FOXK2: variants seen among roughly 807,000 people sequenced by gnomAD.
FOXK2 encodes the protein forkhead box protein K2.
In FOXK2, 24 loss-of-function variants were observed where a neutral mutation model predicts 53.3. The observed-to-expected ratio is 0.45, with a 90% CI of 0.33 to 0.63. FOXK2 has a LOEUF of 0.63. Ranked by LOEUF, FOXK2 falls within the 30% of genes least tolerant of loss-of-function variation. The pLI, the probability that FOXK2 is intolerant of heterozygous loss-of-function variation, is 0.03. For missense variants in FOXK2, 952 were observed against 910.5 expected (o/e 1.05, Z -0.59); for synonymous variants, 505 against 407.1 (o/e 1.24, Z -2.89).
chr17:82,588,612 A>G (rs1304437630), intron 8 of FOXK2, among the ~76,000 whole-genome samples: 1 of 152,154 alleles, frequency 6.6e-6, no homozygotes, highest in East Asian at 1.9e-4. Context: ...GTTAGAGGCC[A>G]GAGTGCTGCG....
intron 3 of FOXK2, among the ~76,000 whole-genome samples, chr17:82,569,028 AAAT>A (rs2044884347): frequency 1.3e-5 from 2 of 152,198 alleles, no homozygotes; most frequent in South Asian, 4.2e-4. Flanking sequence ...ATAAAATAAA[AAAT>A]AAAAAGAACG....
chr17:82,563,908 C>T (rs2044825701), intron 2 of FOXK2, among the ~76,000 whole-genome samples: 1 of 147,402 alleles, frequency 6.8e-6, no homozygotes, highest in Non-Finnish European at 1.5e-5. Flanking sequence ...CCCACCACCA[C>T]GCCCACCTAA....
At chr17:82,526,008 C>CT (rs2044415477) in intron 1 of FOXK2, among the ~76,000 whole-genome samples, 4 of 152,200 alleles carry the variant, frequency 2.6e-5, no homozygotes, top group Non-Finnish European at 5.9e-5. Flanking sequence ...GAATCCCTCA[C>CT]TTTATGTGGC....
At chr17:82,545,562 T>G (rs560245785) in intron 1 of FOXK2, among the ~76,000 whole-genome samples, 33 of 151,378 alleles carry the variant, frequency 2.2e-4, no homozygotes, top group South Asian at 8.4e-4. Context: ...TAGTCTTTTT[T>G]TTGTTGTTGT....
rs578053732 is a variant in FOXK2, at chr17:82,536,609, C to G, written c.419+16302C>G. Among the ~76,000 whole-genome samples the G allele has an allele frequency of 7.2e-5, 11 of 152,354 alleles. No homozygotes were observed. The East Asian group carries it at 1.9e-3, about 27-fold the overall frequency. On this transcript the variant is annotated intron_variant, in intron 1 of 8. Coordinates refer to ENST00000335255, the MANE Select transcript of FOXK2 (RefSeq NM_004514.4). The stretch of plus-strand genomic sequence containing the variant: ...CTCTTACAGTCTTTACGAACTGGCT[C>G]TGTGCCTGAGCCCTCCTTGAACTCT...
At chr17:82,596,518 C>T (rs965832461) in intron 8 of FOXK2, among the ~76,000 whole-genome samples, 2 of 152,250 alleles carry the variant, frequency 1.3e-5, no homozygotes, top group East Asian at 1.9e-4. Context: ...ACCGCGCACA[C>T]GTGGGGACTG....
intron 4 of FOXK2, among the ~76,000 whole-genome samples, chr17:82,577,658 T>A (rs1244698693): frequency 6.6e-6 from 1 of 152,160 alleles, no homozygotes; most frequent in Non-Finnish European, 1.5e-5. Context: ...TTGAGATAAT[T>A]GTTGTGACTA....
chr17:82,554,849 A>G (rs780933575), intron 1 of FOXK2, among the ~76,000 whole-genome samples: 25 of 151,726 alleles, frequency 1.6e-4, no homozygotes, highest in African/African-American at 5.8e-4. Context: ...CGTTCAAGCA[A>G]TTCTTCCTGC....
At chr17:82,520,444 C>A in intron 1 of FOXK2, 137 bp downstream of exon 1, 1 of 746,608 alleles carries the variant, frequency 1.3e-6, no homozygotes, top group Non-Finnish European at 1.8e-6. Flanking sequence ...ACCAGCGGGA[C>A]CCAGGCCCCG....
At chr17:82,558,270 T>G (rs942398086) in intron 1 of FOXK2, among the ~76,000 whole-genome samples, 2 of 152,224 alleles carry the variant, frequency 1.3e-5, no homozygotes, top group South Asian at 4.2e-4. Context: ...CCTGGGAAGT[T>G]GAGGCTGCAG....
At chr17:82,522,395 G>A (rs967879804) in intron 1 of FOXK2, among the ~76,000 whole-genome samples, 6 of 149,766 alleles carry the variant, frequency 4.0e-5, no homozygotes, top group South Asian at 2.1e-4. Flanking sequence ...CTGAGACGGA[G>A]CCTTGCTCTG....
chr17:82,583,914 CAAAT>C, intron 5 of FOXK2, 95 bp from the exon 6 acceptor site: 1 of 1,293,444 alleles, frequency 7.7e-7, no homozygotes, highest in Non-Finnish European at 1.1e-6. Context: ...TGTCAGGAGA[CAAAT>C]GACACCCCCT....
chr17:82,601,611 G>GGC lies in FOXK2; in HGVS notation c.*112_*113insGC. 1.7e-6 allele frequency: 2 copies of GGC among 1,163,398 alleles called. No homozygotes were observed. Among genetic ancestry groups the GGC allele is most frequent in the Non-Finnish European group, 2.4e-6 (2 of 849,422 alleles). The allele number at this position is 1,163,398 out of a possible 1,614,324, so 72.1% of individuals were successfully genotyped here. ...CCCTGTGGTTGGACTTCACCTCTCA[G>GGC]CACTGAAAACCCAAAACCCAGCTGG... On this transcript the variant is annotated 3_prime_UTR_variant, in exon 9 of 9. Transcript: ENST00000335255.
At chr17:82,557,396 T>G (rs939573430) in intron 1 of FOXK2, among the ~76,000 whole-genome samples, 4 of 150,720 alleles carry the variant, frequency 2.7e-5, no homozygotes, top group Non-Finnish European at 5.9e-5. Context: ...CAGGCTGGAG[T>G]GCAGTGGCAC....
intron 8 of FOXK2, among the ~76,000 whole-genome samples, chr17:82,596,953 A>C (rs1001607874): frequency 6.6e-6 from 1 of 152,280 alleles, no homozygotes; most frequent in African/African-American, 2.4e-5. Flanking sequence ...GCGTGGCGAG[A>C]GCCCCTTGTG....
chr17:82,595,727 C>A, intron 8 of FOXK2: 1 of 1,277,276 alleles, frequency 7.8e-7, no homozygotes, highest in Non-Finnish European at 1.0e-6. Flanking sequence ...TCCCTGGGCC[C>A]TAAAAGTGCA....
chr17:82,555,719 C>G (rs553061014), intron 1 of FOXK2, among the ~76,000 whole-genome samples: 34 of 131,460 alleles, frequency 2.6e-4, no homozygotes, highest in Non-Finnish European at 5.4e-4. Context: ...CCCGTCTCTA[C>G]TAAAAATACA....
intron 8 of FOXK2, among the ~76,000 whole-genome samples, chr17:82,590,392 G>A (rs1282831482): frequency 6.6e-6 from 1 of 152,180 alleles, no homozygotes; most frequent in African/African-American, 2.4e-5. Context: ...CGGGGCTCAA[G>A]CAGTCTGCCC....
chr17:82,548,033 G>A (rs560902961), intron 1 of FOXK2, among the ~76,000 whole-genome samples: 2 of 152,268 alleles, frequency 1.3e-5, no homozygotes, highest in South Asian at 2.1e-4. Flanking sequence ...ATTCACCTAC[G>A]GCTGACTGTC....
Sources: allele counts gnomAD v4.1 joint callset (sites outside exome capture counted in the v4.1 genomes callset), GRCh38; gene constraint gnomAD v4.1.1; transcripts MANE v1.5; gene names NCBI Gene and HGNC (gene_info 2026-07-23, HGNC 2026-07-21).